The following ATG5 variants were observed in gnomAD, a reference collection of about 807,000 sequenced individuals.
The protein encoded by ATG5 is autophagy protein 5.
In ATG5, 14 loss-of-function variants were observed where a neutral mutation model predicts 36.5. The observed-to-expected ratio is 0.38, with a 90% CI of 0.25 to 0.60. The LOEUF (loss-of-function observed/expected upper bound fraction) is 0.60, where lower values mean the gene tolerates loss of function less well. Among genes scored for constraint, ATG5 ranks in the 20% least tolerant of loss-of-function variants. ATG5 has a pLI of 0.60. For missense variants in ATG5, 195 were observed against 326.7 expected (o/e 0.60, Z 3.11); for synonymous variants, 95 against 101.5 (o/e 0.94, Z 0.38).
intron 6 of ATG5, among the ~76,000 whole-genome samples, chr6:106,221,709 AAG>A (rs1384410114): frequency 2.9e-4 from 40 of 138,468 alleles, no homozygotes; most frequent in African/African-American, 1.1e-3. Context: ...AAAAGAAAGA[AAG>A]AAAAAAAAAT....
intron 3 of ATG5, among the ~76,000 whole-genome samples, chr6:106,303,838 C>G (rs1019230420): frequency 6.6e-6 from 1 of 152,060 alleles, no homozygotes; most frequent in Admixed American, 6.6e-5. Context: ...GAAAAGGCAT[C>G]TGACAAAATC....
chr6:106,260,216 C>A (rs551460669), intron 5 of ATG5, among the ~76,000 whole-genome samples: 1 of 152,232 alleles, frequency 6.6e-6, no homozygotes, highest in African/African-American at 2.4e-5. Context: ...ATGTAACAAA[C>A]CTGCACGTTG....
intron 6 of ATG5, among the ~76,000 whole-genome samples, chr6:106,236,861 C>G (rs905372186): frequency 7.9e-5 from 12 of 152,172 alleles, no homozygotes; most frequent in Non-Finnish European, 1.3e-4. Context: ...TAATGAGTAT[C>G]ACTAGCACAT....
chr6:106,228,178 G>A (rs1777519897), intron 6 of ATG5, among the ~76,000 whole-genome samples: 1 of 152,146 alleles, frequency 6.6e-6, no homozygotes, highest in Non-Finnish European at 1.5e-5. Context: ...TGGGAGCTCT[G>A]TTTTCACTCT....
chr6:106,247,438 T>C (rs758446630), intron 6 of ATG5, among the ~76,000 whole-genome samples: 8 of 152,222 alleles, frequency 5.3e-5, no homozygotes, highest in Non-Finnish European at 1.2e-4. Flanking sequence ...AAGAGCCTAT[T>C]GCCTACTTTG....
chr6:106,192,839 C>A (rs981897291), intron 7 of ATG5, among the ~76,000 whole-genome samples: 14 of 152,300 alleles, frequency 9.2e-5, no homozygotes, highest in Admixed American at 8.5e-4. Flanking sequence ...TTTGTTCTGT[C>A]TGACAAATTC....
chr6:106,319,406 T>C (rs1220779943), intron 1 of ATG5, among the ~76,000 whole-genome samples: 1 of 152,232 alleles, frequency 6.6e-6, no homozygotes, highest in Admixed American at 6.5e-5. Flanking sequence ...AATCGTTTGA[T>C]ATGCCTAGCT....
chr6:106,234,535 T>A (rs1425399600), intron 6 of ATG5, among the ~76,000 whole-genome samples: 1 of 152,184 alleles, frequency 6.6e-6, no homozygotes, highest in African/African-American at 2.4e-5. Flanking sequence ...GGTGGGTAAC[T>A]CCTCCCACAC....
At chr6:106,289,669 A>G (rs1016451176) in intron 4 of ATG5, among the ~76,000 whole-genome samples, 1 of 61,004 alleles carries the variant, frequency 1.6e-5, no homozygotes, top group East Asian at 3.3e-4. Flanking sequence ...TGAAACATTT[A>G]AAAAAAACAT....
At chr6:106,238,254 T>C (rs910039853) in intron 6 of ATG5, among the ~76,000 whole-genome samples, 8 of 152,172 alleles carry the variant, frequency 5.3e-5, no homozygotes, top group African/African-American at 1.9e-4. Context: ...CACCACAATC[T>C]CCACCTCCAC....
At chr6:106,188,706 C>T (rs1775862656) in intron 7 of ATG5, among the ~76,000 whole-genome samples, 1 of 152,144 alleles carries the variant, frequency 6.6e-6, no homozygotes, top group African/African-American at 2.4e-5. Flanking sequence ...TTACCCAAAC[C>T]CTGAATAAGT....
At chr6:106,289,959 T>G (rs886548522) in intron 4 of ATG5, among the ~76,000 whole-genome samples, 1 of 152,048 alleles carries the variant, frequency 6.6e-6, no homozygotes, top group Non-Finnish European at 1.5e-5. Flanking sequence ...AGAAGTATTT[T>G]AATAGCCTTT....
intron 1 of ATG5, among the ~76,000 whole-genome samples, chr6:106,321,163 T>A (rs932319712): frequency 6.6e-6 from 1 of 152,144 alleles, no homozygotes; most frequent in Non-Finnish European, 1.5e-5. Context: ...AACAAACCCA[T>A]CCTCTTTGAC....
chr6:106,316,153 C>G lies in ATG5; in HGVS notation c.56G>C (p.Cys19Ser). Residue 19 changes from cysteine to serine, a missense_variant, in exon 2 of 8, where the codon TGT becomes TCT. Transcript: ENST00000369076. ...TATCTCATCCTGATATAGCGTGAAA[C>G]AAGTTGGAATTCGTCCAAACCACAC... ...RDVWFGRIPT[C>S]FTLYQDEITE... 29 of 1,613,652 alleles carry G rather than the reference C, an allele frequency of 1.8e-5. No homozygotes were observed. Among genetic ancestry groups the G allele is most frequent in the Non-Finnish European group, 2.4e-5 (28 of 1,179,754 alleles).
Position 106,230,538 on chromosome 6 carries a change from G to A in ATG5, c.573+17612C>T, listed in dbSNP as rs559824159. On this transcript the variant is annotated intron_variant, in intron 6 of 7. Coordinates refer to ENST00000369076, the MANE Select transcript of ATG5 (RefSeq NM_004849.4). Reference sequence around the variant, plus strand: ...GAGCATAACTAATCCGATAAGCAGAGGTCCATGGGTGGTTACACACCCCGG... The same window carrying A: ...GAGCATAACTAATCCGATAAGCAGAAGTCCATGGGTGGTTACACACCCCGG... Among the ~76,000 whole-genome samples the A allele has an allele frequency of 4.1e-4, 62 of 152,254 alleles. 1 individual carries two copies. The highest frequency in any genetic ancestry group is 1.5e-3 in the African/African-American group (62 of 41,538).
intron 6 of ATG5, among the ~76,000 whole-genome samples, chr6:106,230,472 T>C (rs1246394936): frequency 2.6e-5 from 4 of 152,046 alleles, no homozygotes; most frequent in Admixed American, 1.3e-4. Flanking sequence ...TTCTTTGTGA[T>C]CAAGAAAGGC....
At chr6:106,321,503 C>A (rs1471086778) in intron 1 of ATG5, among the ~76,000 whole-genome samples, 2 of 152,062 alleles carry the variant, frequency 1.3e-5, no homozygotes, top group South Asian at 4.1e-4. Context: ...GGACTACAGG[C>A]GCCCGCCACC....
intron 6 of ATG5, among the ~76,000 whole-genome samples, chr6:106,207,510 G>A (rs938751044): frequency 2.0e-5 from 3 of 150,688 alleles, no homozygotes; most frequent in East Asian, 3.9e-4. Flanking sequence ...AGACTCACCC[G>A]GGCAACACAG....
intron 6 of ATG5, among the ~76,000 whole-genome samples, chr6:106,211,896 CTTTGTT>C (rs1776866567): frequency 2.6e-5 from 4 of 152,108 alleles, no homozygotes; most frequent in South Asian, 2.1e-4. Context: ...TGTGTGTGTG[CTTTGTT>C]TTTAAGTCTT....
Sources: allele counts gnomAD v4.1 joint callset (sites outside exome capture counted in the v4.1 genomes callset), GRCh38; gene constraint gnomAD v4.1.1; transcripts MANE v1.5; gene names NCBI Gene and HGNC (gene_info 2026-07-23, HGNC 2026-07-21).